Variants in NELL1 observed in about 807,000 individuals in gnomAD.
NELL1 encodes protein kinase C-binding protein NELL1.
A neutral mutation model predicts 107.4 loss-of-function variants in NELL1; 76 were observed. The observed-to-expected ratio is 0.71, with a 90% CI of 0.59 to 0.86. The LOEUF (loss-of-function observed/expected upper bound fraction) is 0.86. Among genes scored for constraint, NELL1 ranks in the 40% least tolerant of loss-of-function variants. The pLI is 0.00. For synonymous variants in NELL1, 353 were observed against 341.2 expected (o/e 1.03, Z -0.38); for missense variants, 1,024 against 1,005.5 (o/e 1.02, Z -0.25).
At chr11:20,705,153 A>G (rs910020100) in intron 2 of NELL1, among the ~76,000 whole-genome samples, 2 of 149,510 alleles carry the variant, frequency 1.3e-5, no homozygotes, top group African/African-American at 4.9e-5. Context: ...ACAGAAATGG[A>G]AAAAACTACT....
At chr11:20,827,077 T>G (rs1857900749) in intron 3 of NELL1, among the ~76,000 whole-genome samples, 1 of 150,958 alleles carries the variant, frequency 6.6e-6, no homozygotes, top group Non-Finnish European at 1.5e-5. Context: ...GCAATAGGAG[T>G]GCGGAAAGAA....
At chr11:21,428,742 G>T (rs1234302259) in intron 15 of NELL1, among the ~76,000 whole-genome samples, 1 of 152,134 alleles carries the variant, frequency 6.6e-6, no homozygotes, top group Non-Finnish European at 1.5e-5. Flanking sequence ...AGCCAAAGAA[G>T]GAAGAAAGAG....
intron 5 of NELL1, 29 bp from the exon 6 acceptor site, chr11:20,918,153 G>C (rs1173220101): frequency 5.2e-6 from 7 of 1,333,894 alleles, no homozygotes; most frequent in Non-Finnish European, 6.5e-6. Flanking sequence ...CTGTAATCTT[G>C]ATTGCCACCT....
At chr11:21,237,772 C>G (rs1791865) in intron 14 of NELL1, among the ~76,000 whole-genome samples, 148,221 of 152,154 alleles carry the variant, frequency 0.97, 72,306 homozygotes, top group East Asian at 1. Flanking sequence ...TTTCAGAGAT[C>G]CTTATATTCT....
At chr11:21,334,392 A>C (rs1189303260) in intron 14 of NELL1, among the ~76,000 whole-genome samples, 1 of 152,006 alleles carries the variant, frequency 6.6e-6, no homozygotes, top group Non-Finnish European at 1.5e-5. Context: ...ATCTAAAAAA[A>C]ATTAAGTCAC....
chr11:20,799,049 G>A (rs1399425861), intron 3 of NELL1, among the ~76,000 whole-genome samples: 1 of 118,740 alleles, frequency 8.4e-6, no homozygotes, highest in Non-Finnish European at 2.0e-5. Context: ...TAGGTCAGTA[G>A]AGAAGAGAAG....
At chr11:20,933,409 G>A (rs1006058555) in intron 9 of NELL1, among the ~76,000 whole-genome samples, 5 of 152,208 alleles carry the variant, frequency 3.3e-5, no homozygotes, top group African/African-American at 1.2e-4. Context: ...AAATAAGACA[G>A]GTGGAGAAAG....
intron 15 of NELL1, among the ~76,000 whole-genome samples, chr11:21,430,915 C>T (rs1044865793): frequency 6.6e-6 from 1 of 152,020 alleles, no homozygotes; most frequent in African/African-American, 2.4e-5. Context: ...CTTTTCATTT[C>T]TGTATTCTTT....
rs1445978861 is a variant in NELL1 at position 21,574,966 on chromosome 11, G to A, written c.2383-6G>A. On this transcript the variant is annotated splice_polypyrimidine_tract_variant and splice_region_variant and intron_variant, in intron 19 of 19. Coordinates refer to ENST00000357134, the MANE Select transcript of NELL1 (RefSeq NM_006157.5). Reference sequence around the variant, plus strand: ...ACTGGCTAACACATGTTTCTTTGATGTACAGAATGGAAGAGTCTGTTGTTC... The same window carrying A: ...ACTGGCTAACACATGTTTCTTTGATATACAGAATGGAAGAGTCTGTTGTTC... 5 of 1,609,704 alleles carry A rather than the reference G, an allele frequency of 3.1e-6. No individual in the cohort carries two copies. The highest frequency in any genetic ancestry group is 1.3e-5 in the African/African-American group (1 of 74,698).
intron 12 of NELL1, among the ~76,000 whole-genome samples, chr11:21,071,087 G>A (rs1008182665): frequency 2.0e-5 from 3 of 152,144 alleles, no homozygotes; most frequent in Non-Finnish European, 4.4e-5. Context: ...GGTTAAGAGT[G>A]TAGTTTTGCA....
intron 12 of NELL1, among the ~76,000 whole-genome samples, chr11:20,976,110 G>T (rs1851626713): frequency 7.7e-6 from 1 of 129,098 alleles, no homozygotes. Flanking sequence ...ACACATATCT[G>T]TACATATATG....
chr11:21,492,663 C>T (rs1353306382), intron 15 of NELL1, among the ~76,000 whole-genome samples: 1 of 145,686 alleles, frequency 6.9e-6, no homozygotes, highest in Non-Finnish European at 1.5e-5. Flanking sequence ...CCAAACACTG[C>T]ATGTTCTCAC....
intron 13 of NELL1, among the ~76,000 whole-genome samples, chr11:21,203,837 T>G (rs938806376): frequency 3.9e-5 from 6 of 152,218 alleles, no homozygotes; most frequent in African/African-American, 1.2e-4. Flanking sequence ...TTTGCCTGTC[T>G]GTAAAGTATT....
At chr11:20,924,349 C>A (rs1850444869) in intron 7 of NELL1, among the ~76,000 whole-genome samples, 1 of 152,074 alleles carries the variant, frequency 6.6e-6, no homozygotes, top group African/African-American at 2.4e-5. Context: ...TTGGTGTGCT[C>A]TTATTATTAC....
At chr11:21,549,718 C>T (rs1346925922) in intron 16 of NELL1, among the ~76,000 whole-genome samples, 3 of 151,760 alleles carry the variant, frequency 2.0e-5, no homozygotes, top group African/African-American at 7.3e-5. Context: ...ATCTGGCACC[C>T]TGAGTGGCAT....
intron 14 of NELL1, among the ~76,000 whole-genome samples, chr11:21,330,794 T>C (rs1309110349): frequency 2.0e-5 from 3 of 152,114 alleles, no homozygotes; most frequent in African/African-American, 7.2e-5. Flanking sequence ...CCATTATTTA[T>C]TAAAAATATT....
intron 12 of NELL1, among the ~76,000 whole-genome samples, chr11:21,058,705 T>A (rs775647151): frequency 3.3e-5 from 5 of 152,120 alleles, no homozygotes; most frequent in African/African-American, 1.2e-4. Context: ...GGGGGAGATA[T>A]AATTAACTGA....
chr11:20,920,477 A>AG (rs1467359926), intron 7 of NELL1, among the ~76,000 whole-genome samples: 5 of 152,080 alleles, frequency 3.3e-5, no homozygotes, highest in African/African-American at 4.8e-5. Context: ...TTGTAAGAAA[A>AG]CAATTGAGAC....
intron 3 of NELL1, among the ~76,000 whole-genome samples, chr11:20,807,319 C>A (rs921687459): frequency 2.0e-5 from 3 of 152,200 alleles, no homozygotes; most frequent in Admixed American, 2.0e-4. Flanking sequence ...GAGGTACCAC[C>A]TTGGTGGTTT....
Sources: allele counts gnomAD v4.1 joint callset (sites outside exome capture counted in the v4.1 genomes callset), GRCh38; gene constraint gnomAD v4.1.1; transcripts MANE v1.5; gene names NCBI Gene and HGNC (gene_info 2026-07-23, HGNC 2026-07-21).